STK39: variants seen among roughly 807,000 people sequenced by gnomAD.
STK39 encodes STE20/SPS1-related proline-alanine-rich protein kinase.
Under a neutral mutation model 77.8 loss-of-function variants are expected in STK39, and 20 were observed. The observed-to-expected ratio is 0.26, with a 90% CI of 0.18 to 0.37. The LOEUF is 0.37. STK39 is among the 10% of genes least tolerant of loss of function. STK39 has a pLI of 1.00. For missense variants in STK39, 479 were observed against 656.5 expected, an observed-to-expected ratio of 0.73 and a Z score of 2.95; for synonymous variants, 246 against 234.1, an observed-to-expected ratio of 1.05 and a Z score of -0.47.
intron 12 of STK39, among the ~76,000 whole-genome samples, chr2:168,065,674 A>G (rs186130158): frequency 6.6e-6 from 1 of 152,318 alleles, no homozygotes; most frequent in Admixed American, 6.5e-5. Flanking sequence ...CCACTAAGCT[A>G]AAGTGAAAAG....
At chr2:168,093,262 T>G (rs12468121) in intron 10 of STK39, among the ~76,000 whole-genome samples, 56,105 of 152,048 alleles carry the variant, frequency 0.37, 11,614 homozygotes, top group East Asian at 0.56. Context: ...ATTCTCATAC[T>G]GCTATGAAGA....
At chr2:168,191,086 C>T (rs1405010377) in intron 1 of STK39, among the ~76,000 whole-genome samples, 1 of 152,182 alleles carries the variant, frequency 6.6e-6, no homozygotes, top group African/African-American at 2.4e-5. Flanking sequence ...ATGGGAAGGG[C>T]TCTATATGCA....
chr2:168,154,281 G>A lies in STK39; in HGVS notation c.628+7506C>T, dbSNP rs185852309. Among the ~76,000 whole-genome samples the A allele has an allele frequency of 2.5e-3, 377 of 152,332 alleles. 4 individuals carry two copies. Among genetic ancestry groups the A allele is most frequent in the African/African-American group, 8.8e-3 (365 of 41,572 alleles). On this transcript the variant is annotated intron_variant, in intron 5 of 17. Transcript: ENST00000355999. ...AGGGGTCATAGAGTTCTCTATTAAAGTTATCCACTTGTTAGAGTTGCAAGG... is the reference window on the plus strand; with the variant it reads ...AGGGGTCATAGAGTTCTCTATTAAAATTATCCACTTGTTAGAGTTGCAAGG...
intron 1 of STK39, among the ~76,000 whole-genome samples, chr2:168,185,510 T>C (rs1236274337): frequency 1.3e-5 from 2 of 152,156 alleles, no homozygotes; most frequent in Non-Finnish European, 2.9e-5. Context: ...CTCTTCTCAT[T>C]TTCCCCTCTG....
chr2:168,052,168 G>A (rs1685415707), intron 14 of STK39, among the ~76,000 whole-genome samples: 1 of 152,102 alleles, frequency 6.6e-6, no homozygotes, highest in African/African-American at 2.4e-5. Flanking sequence ...TCAATGGAGG[G>A]CAGGGAATGC....
chr2:168,228,014 A>G (rs17190821), intron 1 of STK39, among the ~76,000 whole-genome samples: 58,343 of 152,100 alleles, frequency 0.38, 12,100 homozygotes, highest in Non-Finnish European at 0.48. Flanking sequence ...GTGATCCAAT[A>G]GTATCTAGAA....
intron 16 of STK39, among the ~76,000 whole-genome samples, chr2:168,004,861 G>C (rs1559053130): frequency 6.6e-6 from 1 of 151,962 alleles, no homozygotes; most frequent in Non-Finnish European, 1.5e-5. Context: ...GACAGCTGAT[G>C]CTATATTTCT....
intron 1 of STK39, among the ~76,000 whole-genome samples, chr2:168,209,692 G>A (rs1487662243): frequency 1.3e-5 from 2 of 149,766 alleles, no homozygotes; most frequent in Non-Finnish European, 3.0e-5. Flanking sequence ...AGAAACAAAC[G>A]AAAAGAAAGA....
At chr2:168,210,078 G>C (rs1265079501) in intron 1 of STK39, among the ~76,000 whole-genome samples, 1 of 135,324 alleles carries the variant, frequency 7.4e-6, no homozygotes, top group South Asian at 2.5e-4. Flanking sequence ...AGGAAGGAAG[G>C]AAGAAAGAAA....
intron 1 of STK39, among the ~76,000 whole-genome samples, chr2:168,203,938 T>C (rs1055367802): frequency 6.6e-6 from 1 of 152,210 alleles, no homozygotes; most frequent in Non-Finnish European, 1.5e-5. Flanking sequence ...GACGTGATAC[T>C]GAGACTGAAC....
chr2:168,115,204 T>G (rs544077354), intron 10 of STK39, among the ~76,000 whole-genome samples: 2 of 152,166 alleles, frequency 1.3e-5, no homozygotes. Context: ...TGAAATAAAG[T>G]AAATGTTCAT....
intron 14 of STK39, among the ~76,000 whole-genome samples, chr2:168,034,261 T>C (rs187636222): frequency 1.3e-5 from 2 of 152,204 alleles, no homozygotes; most frequent in African/African-American, 4.8e-5. Context: ...GAGACTGGGA[T>C]TGACTTACCT....
chr2:168,153,253 T>C (rs1273664914), intron 5 of STK39, among the ~76,000 whole-genome samples: 1 of 152,252 alleles, frequency 6.6e-6, no homozygotes, highest in Non-Finnish European at 1.5e-5. Flanking sequence ...TCTTACTAAG[T>C]GCCACTTCCA....
At chr2:167,959,822 G>A (rs1304826839) in intron 17 of STK39, among the ~76,000 whole-genome samples, 1 of 152,208 alleles carries the variant, frequency 6.6e-6, no homozygotes, top group Admixed American at 6.5e-5. Flanking sequence ...AGTGCAGTCT[G>A]ATGTTGCTGC....
chr2:167,990,275 C>T (rs1304369327), intron 16 of STK39, among the ~76,000 whole-genome samples: 2 of 152,152 alleles, frequency 1.3e-5, no homozygotes, highest in African/African-American at 4.8e-5. Context: ...AACCAAATGA[C>T]ATTTTGGCAA....
intron 16 of STK39, among the ~76,000 whole-genome samples, chr2:167,990,228 G>A (rs961584443): frequency 6.6e-6 from 1 of 152,142 alleles, no homozygotes; most frequent in Non-Finnish European, 1.5e-5. Flanking sequence ...TACCTGATAC[G>A]CAGGCTCTCC....
chr2:168,234,193 T>A (rs1171536928), intron 1 of STK39, among the ~76,000 whole-genome samples: 1 of 152,240 alleles, frequency 6.6e-6, no homozygotes, highest in South Asian at 2.1e-4. Flanking sequence ...TTAGCCAGTC[T>A]TTGAACATTT....
chr2:168,244,160 G>C (rs987693680), intron 1 of STK39, among the ~76,000 whole-genome samples: 2 of 152,074 alleles, frequency 1.3e-5, no homozygotes, highest in African/African-American at 2.4e-5. Flanking sequence ...ATACTCCTAA[G>C]AGCATTACAA....
intron 14 of STK39, among the ~76,000 whole-genome samples, chr2:168,060,311 A>G (rs749230668): frequency 2.6e-5 from 4 of 152,190 alleles, no homozygotes; most frequent in Non-Finnish European, 5.9e-5. Context: ...TAACCCTCCA[A>G]GTGATGGTAT....
Sources: gnomAD v4.1 joint callset for allele counts (sites outside exome capture counted in the v4.1 genomes callset) on GRCh38, gnomAD v4.1.1 for gene constraint, MANE v1.5 for transcripts, NCBI Gene and HGNC (gene_info 2026-07-23, HGNC 2026-07-21) for gene names.